HS6ST3: variants seen among roughly 807,000 people sequenced by gnomAD.
HS6ST3 encodes heparan-sulfate 6-O-sulfotransferase 3.
In HS6ST3, 12 loss-of-function variants were observed where a neutral mutation model predicts 36.7. That is an observed-to-expected ratio of 0.33 (90% CI 0.21 to 0.53). HS6ST3 has a LOEUF of 0.53. Ranked by LOEUF, HS6ST3 falls within the 20% of genes least tolerant of loss-of-function variation. The pLI is 0.95. For synonymous variants in HS6ST3, 240 were observed against 257.5 expected, an observed-to-expected ratio of 0.93 and a Z score of 0.65; for missense variants, 584 against 640.9, an observed-to-expected ratio of 0.91 and a Z score of 0.96.
At chr13:96,707,150 G>A (rs1875448772) in intron 1 of HS6ST3, among the ~76,000 whole-genome samples, 1 of 152,068 alleles carries the variant, frequency 6.6e-6, no homozygotes, top group African/African-American at 2.4e-5. Flanking sequence ...CTACTGTGAT[G>A]GTATTTGGAG....
chr13:96,140,745 A>G (rs1392869585), intron 1 of HS6ST3, among the ~76,000 whole-genome samples: 8 of 152,174 alleles, frequency 5.3e-5, no homozygotes, highest in African/African-American at 1.9e-4. Context: ...TTTTTATCTC[A>G]TATCAAAAAT....
chr13:96,492,305 A>G (rs886824357), intron 1 of HS6ST3, among the ~76,000 whole-genome samples: 2 of 152,214 alleles, frequency 1.3e-5, no homozygotes, highest in South Asian at 2.1e-4. Context: ...CTCTCAGCCA[A>G]CTTTGGAAAG....
chr13:96,360,585 C>T (rs539369278), intron 1 of HS6ST3, among the ~76,000 whole-genome samples: 5 of 148,516 alleles, frequency 3.4e-5, no homozygotes, highest in African/African-American at 7.5e-5. Context: ...AGAAACATTA[C>T]GGTTGTTTTG....
At chr13:96,650,430 T>C (rs2056603451) in intron 1 of HS6ST3, among the ~76,000 whole-genome samples, 1 of 152,044 alleles carries the variant, frequency 6.6e-6, no homozygotes, top group African/African-American at 2.4e-5. Flanking sequence ...TCATTCCTCT[T>C]CTACATTCTT....
chr13:96,350,339 A>C lies in HS6ST3; in HGVS notation c.707+258770A>C, dbSNP rs377637860. On this transcript the variant is annotated intron_variant, in intron 1 of 1. Transcript: ENST00000376705. Reference sequence around the variant, plus strand: ...CTTACATGTTATCGTCATGGTCTGTACTCTTGCAAATCCCATAATGTTTGG... The same window carrying C: ...CTTACATGTTATCGTCATGGTCTGTCCTCTTGCAAATCCCATAATGTTTGG... Among the ~76,000 whole-genome samples, 20 of 152,236 alleles carry C rather than the reference A, an allele frequency of 1.3e-4. No homozygotes were observed. The East Asian group carries it at 3.7e-3, about 28-fold the overall frequency.
intron 1 of HS6ST3, among the ~76,000 whole-genome samples, chr13:96,328,458 GCT>G (rs1317134958): frequency 1.3e-5 from 2 of 152,056 alleles, no homozygotes; most frequent in Admixed American, 1.3e-4. Context: ...TTTGTCTTTG[GCT>G]CTGTTTATAT....
chr13:96,804,582 C>T (rs951615507), intron 1 of HS6ST3, among the ~76,000 whole-genome samples: 1 of 152,042 alleles, frequency 6.6e-6, no homozygotes, highest in Non-Finnish European at 1.5e-5. Context: ...GTTCACCATG[C>T]GATACTTAGG....
intron 1 of HS6ST3, among the ~76,000 whole-genome samples, chr13:96,651,561 A>C (rs76477004): frequency 8.5e-5 from 13 of 152,106 alleles, no homozygotes; most frequent in African/African-American, 3.1e-4. Context: ...CATCACTCGT[A>C]TTTCCCTATT....
At chr13:96,559,210 G>A (rs1277904040) in intron 1 of HS6ST3, among the ~76,000 whole-genome samples, 2 of 151,862 alleles carry the variant, frequency 1.3e-5, no homozygotes, top group African/African-American at 2.4e-5. Context: ...TCTGCCTCCC[G>A]AGTTCAGGTG....
intron 1 of HS6ST3, among the ~76,000 whole-genome samples, chr13:96,742,083 A>G (rs1876455049): frequency 6.6e-6 from 1 of 152,154 alleles, no homozygotes; most frequent in Non-Finnish European, 1.5e-5. Flanking sequence ...GGTAGCTATG[A>G]CAATTGTAAA....
intron 1 of HS6ST3, among the ~76,000 whole-genome samples, chr13:96,804,366 G>T (rs1436501939): frequency 6.6e-6 from 1 of 152,078 alleles, no homozygotes; most frequent in African/African-American, 2.4e-5. Flanking sequence ...GGAGGTGCCT[G>T]GAATGGTTAA....
intron 1 of HS6ST3, among the ~76,000 whole-genome samples, chr13:96,302,815 A>T (rs185375249): frequency 6.6e-6 from 1 of 152,216 alleles, no homozygotes; most frequent in East Asian, 1.9e-4. Flanking sequence ...TTGCTAAGCT[A>T]GATGATTTAT....
chr13:96,461,215 G>A (rs2055782529), intron 1 of HS6ST3, among the ~76,000 whole-genome samples: 1 of 152,142 alleles, frequency 6.6e-6, no homozygotes, highest in Non-Finnish European at 1.5e-5. Flanking sequence ...CATTTATTCA[G>A]TATTTTTATG....
Position 96,353,553 on chromosome 13 carries a change from CCAAACTTTTTTT to C in HS6ST3, c.707+261985_707+261996del, listed in dbSNP as rs2055195175. ...ATGAAAGTATTAGAAGAAAATGTTA[CCAAACTTTTTTT>C]TTTTCAAATAAACGGGAAAAGTGTT... On this transcript the variant is annotated intron_variant, in intron 1 of 1. Transcript: ENST00000376705. 5.3e-5 allele frequency among the ~76,000 whole-genome samples: 8 copies of C among 151,378 alleles called. No homozygotes were observed. The South Asian group carries it at 1.7e-3, about 32-fold the overall frequency.
At chr13:96,291,526 A>C (rs2054829927) in intron 1 of HS6ST3, among the ~76,000 whole-genome samples, 1 of 152,156 alleles carries the variant, frequency 6.6e-6, no homozygotes, top group African/African-American at 2.4e-5. Flanking sequence ...GGGAATATAA[A>C]ATGTCTGATT....
chr13:96,666,053 G>A (rs962926152), intron 1 of HS6ST3, among the ~76,000 whole-genome samples: 1 of 152,238 alleles, frequency 6.6e-6, no homozygotes, highest in East Asian at 1.9e-4. Flanking sequence ...AAGGAAAAAG[G>A]TTTAATTGAC....
chr13:96,763,582 A>G lies in HS6ST3; in HGVS notation c.708-68908A>G, dbSNP rs1594854481. Among the ~76,000 whole-genome samples, 7 of 151,886 alleles carry G rather than the reference A, an allele frequency of 4.6e-5. No individual in the cohort carries two copies. The South Asian group carries it at 1.2e-3, about 27-fold the overall frequency. On this transcript the variant is annotated intron_variant, in intron 1 of 1. Transcript: ENST00000376705. ...AAGATATACTTAATATAGTAAATTT[A>G]TTTATTTATAAAATGAGGCAGCATT...
chr13:96,254,760 C>G (rs2054628956), intron 1 of HS6ST3, among the ~76,000 whole-genome samples: 1 of 151,882 alleles, frequency 6.6e-6, no homozygotes, highest in Admixed American at 6.6e-5. Context: ...CAGAAACAGT[C>G]TAGCTTAGCA....
intron 1 of HS6ST3, among the ~76,000 whole-genome samples, chr13:96,563,291 C>A (rs951912828): frequency 6.6e-6 from 1 of 152,124 alleles, no homozygotes; most frequent in East Asian, 1.9e-4. Context: ...TATATCATAT[C>A]ATAAAGGAGA....
Sources: allele counts gnomAD v4.1 joint callset (sites outside exome capture counted in the v4.1 genomes callset), GRCh38; gene constraint gnomAD v4.1.1; transcripts MANE v1.5; gene names NCBI Gene and HGNC (gene_info 2026-07-23, HGNC 2026-07-21).